PPARA: variants seen among roughly 807,000 people sequenced by gnomAD.
PPARA encodes peroxisome proliferator activated receptor alpha, also known as peroxisome proliferator-activated receptor alpha.
PPARA carries 22 observed loss-of-function variants against 42.2 expected under a neutral mutation model. That is an observed-to-expected ratio of 0.52 (90% CI 0.37 to 0.74). The LOEUF is 0.74. PPARA is among the 30% of genes least tolerant of loss of function. The pLI, the probability that PPARA is intolerant of heterozygous loss-of-function variation, is 0.00. For missense variants in PPARA, 465 were observed against 608.2 expected (o/e 0.76, Z 2.48); for synonymous variants, 242 against 239.3 (o/e 1.01, Z -0.10).
In PPARA at chr22:46,184,201, AT is replaced by A. The variant is rs1318229327; in HGVS notation, c.-43+7366del. ...ATGATTTGATGATGACTTCATTTTTATAAAACAATAATATTGCAGTGCAAAT... is the reference window on the plus strand; with the variant it reads ...ATGATTTGATGATGACTTCATTTTTAAAAACAATAATATTGCAGTGCAAAT... On this transcript the variant is annotated intron_variant, in intron 3 of 8. Transcript: ENST00000407236. The surrounding 1 kb of genome is among the most constrained non-coding windows in gnomAD (Gnocchi z 4.4). Among the ~76,000 whole-genome samples the A allele has an allele frequency of 6.6e-6, 1 of 152,222 alleles. No homozygotes were observed.
intron 2 of PPARA, chr22:46,176,177 A>G (rs1929024563): frequency 6.6e-6 from 1 of 151,960 alleles, no homozygotes; most frequent in African/African-American, 2.4e-5. Context: ...GGACGGACAG[A>G]TAGATAGGTA....
intron 3 of PPARA, among the ~76,000 whole-genome samples, chr22:46,194,387 A>G (rs1270979070): frequency 2.6e-5 from 4 of 152,154 alleles, no homozygotes. Flanking sequence ...GAATATAACG[A>G]CAAGCAAACT....
chr22:46,242,069 C>T lies in PPARA; in HGVS notation c.*6689C>T, dbSNP rs1003208932. On this transcript the variant is annotated 3_prime_UTR_variant, in exon 9 of 9. Transcript: ENST00000407236. The surrounding 1 kb of genome is among the most constrained non-coding windows in gnomAD (Gnocchi z 6.1). ...GAGGAGGAGGGAGTCTACCTGCCAC[C>T]TCTTCTCTTGCCCCTCTTCTGCCCA... 2.0e-5 allele frequency: 3 copies of T among 152,044 alleles called. No homozygotes were observed. The highest frequency in any genetic ancestry group is 7.3e-5 in the African/African-American group (3 of 41,360). The allele number at this position is 152,044 out of a possible 1,614,324, so 9.4% of individuals were successfully genotyped here.
At chr22:46,202,444 AAATTAAAAG>A (rs1932883406) in intron 4 of PPARA, among the ~76,000 whole-genome samples, 1 of 152,032 alleles carries the variant, frequency 6.6e-6, no homozygotes, top group Non-Finnish European at 1.5e-5. Context: ...CCATCTAAAT[AAATTAAAAG>A]CAGGCCGGGC....
At chr22:46,185,916 AATATATATATAT>A (rs59733161) in intron 3 of PPARA, among the ~76,000 whole-genome samples, 41 of 25,300 alleles carry the variant, frequency 1.6e-3, no homozygotes, top group African/African-American at 7.7e-3. Flanking sequence ...AAAAAAAAAA[AATATATATATAT>A]ATATATATAT....
Position 46,163,636 on chromosome 22 carries a change from A to C in PPARA, c.-127+11666A>C, listed in dbSNP as rs1926561342. ...GAAGCCCCTTTCCCAGGACGACGTGACATGAGTGGTCTGTGCCTTCCAGGG... is the reference window on the plus strand; with the variant it reads ...GAAGCCCCTTTCCCAGGACGACGTGCCATGAGTGGTCTGTGCCTTCCAGGG... On this transcript the variant is annotated intron_variant, in intron 2 of 8. Transcript: ENST00000407236. The surrounding 1 kb of genome is among the most constrained non-coding windows in gnomAD (Gnocchi z 4.9). 6.6e-6 allele frequency: 1 copy of C among 152,224 alleles called. No individual in the cohort carries two copies. Among genetic ancestry groups the C allele is most frequent in the South Asian group, 2.1e-4 (1 of 4,834 alleles). 9.4% of individuals were successfully genotyped at this position (152,224 alleles called of 1,614,324 possible).
intron 2 of PPARA, among the ~76,000 whole-genome samples, chr22:46,170,112 G>GT (rs201147764): frequency 0.11 from 15,014 of 142,688 alleles, 1,050 homozygotes; most frequent in South Asian, 0.14. Context: ...ATTCATCTTT[G>GT]TTTTTTTTTT....
rs1478811575 is a variant in PPARA, at chr22:46,192,022, G to C, written c.-42-6320G>C. 6.6e-6 allele frequency among the ~76,000 whole-genome samples: 1 copy of C among 152,160 alleles called. No individual in the cohort carries two copies. The highest frequency in any genetic ancestry group is 1.9e-4 in the East Asian group (1 of 5,192). On this transcript the variant is annotated intron_variant, in intron 3 of 8. Coordinates refer to ENST00000407236, the MANE Select transcript of PPARA (RefSeq NM_005036.6). This position sits in a 1 kb window ranked among gnomAD's most constrained non-coding sequence, Gnocchi z 4.3. ...GGAAGTTGCGGTGAGCCGAGATCAC[G>C]CCACTGTACTCCAGCCTGGTGACAG...
chr22:46,213,431 C>T (rs534785187), intron 4 of PPARA, among the ~76,000 whole-genome samples: 9 of 140,924 alleles, frequency 6.4e-5, no homozygotes, highest in East Asian at 2.1e-4. Flanking sequence ...CCTTTTGATA[C>T]GGAGTCTTGC....
intron 3 of PPARA, among the ~76,000 whole-genome samples, chr22:46,194,904 T>C (rs2078830403): frequency 1.4e-5 from 2 of 146,114 alleles, no homozygotes; most frequent in South Asian, 2.2e-4. Flanking sequence ...TTTTTTTTTT[T>C]TTTTTTTCTT....
rs570270420 is a variant in PPARA, at chr22:46,160,082, A to G, written c.-127+8112A>G. ...TTGAACCGCCAGCGAAGGGCTGGGA[A>G]GTGCGGATCCAGGGCTGGTGCACTG... is the stretch of plus-strand genomic sequence containing the variant. On this transcript the variant is annotated intron_variant, in intron 2 of 8. Coordinates refer to ENST00000407236, the MANE Select transcript of PPARA (RefSeq NM_005036.6). The surrounding 1 kb of genome is among the most constrained non-coding windows in gnomAD (Gnocchi z 4.5). 2.6e-5 allele frequency among the ~76,000 whole-genome samples: 4 copies of G among 152,324 alleles called. No individual in the cohort carries two copies. In the East Asian group the frequency reaches 5.8e-4, roughly 22 times the overall value.
rs1036185923 is a variant in PPARA, at chr22:46,241,300, T to G, written c.*5920T>G. The G allele has an allele frequency of 1.3e-5, 2 of 152,170 alleles. No individual in the cohort carries two copies. Among genetic ancestry groups the G allele is most frequent in the African/African-American group, 4.8e-5 (2 of 41,448 alleles). 9.4% of individuals were successfully genotyped at this position (152,170 alleles called of 1,614,324 possible). A position where few individuals can be genotyped will look rare whatever the true frequency, so the allele number is the denominator to read the frequency against. ...TAGACTAGGGTAAGAATAAAGGCAA[T>G]AAATTTGGTCTGACTCAGAATATAG... On this transcript the variant is annotated 3_prime_UTR_variant, in exon 9 of 9. Coordinates refer to ENST00000407236, the MANE Select transcript of PPARA (RefSeq NM_005036.6). The surrounding 1 kb of genome is among the most constrained non-coding windows in gnomAD (Gnocchi z 5.7).
rs1931422964 is a variant in PPARA, at chr22:46,190,700, T to G, written c.-42-7642T>G. Among the ~76,000 whole-genome samples the G allele has an allele frequency of 6.6e-6, 1 of 152,128 alleles. No individual in the cohort carries two copies. Among genetic ancestry groups the G allele is most frequent in the East Asian group, 1.9e-4 (1 of 5,192 alleles). On this transcript the variant is annotated intron_variant, in intron 3 of 8. Transcript: ENST00000407236. The surrounding 1 kb of genome is among the most constrained non-coding windows in gnomAD (Gnocchi z 5.6). Reference sequence around the variant, plus strand: ...GGGAGATCAAGGCTGCGGTGAGCCATGATCTTGCCATTGCACTCCAGCCTG... The same window carrying G: ...GGGAGATCAAGGCTGCGGTGAGCCAGGATCTTGCCATTGCACTCCAGCCTG...
chr22:46,217,902 C>G (rs906331444), intron 5 of PPARA, among the ~76,000 whole-genome samples: 2 of 138,984 alleles, frequency 1.4e-5, no homozygotes, highest in Non-Finnish European at 3.0e-5. Context: ...ACAATCTCAG[C>G]TCACTGCAAC....
At position 46,240,148 on chromosome 22, in the gene PPARA, G is replaced by T; in HGVS notation, c.*4768G>T. ...CAACAGTGTGGCCTTTCAAAATGCA[G>T]ATGCCACCAGGAGAACATGCCCACA... is the stretch of plus-strand genomic sequence containing the variant. On this transcript the variant is annotated 3_prime_UTR_variant, in exon 9 of 9. Coordinates refer to ENST00000407236, the MANE Select transcript of PPARA (RefSeq NM_005036.6). This position sits in a 1 kb window ranked among gnomAD's most constrained non-coding sequence, Gnocchi z 6.0. The T allele has an allele frequency of 2.5e-6, 1 of 398,738 alleles. No individual in the cohort carries two copies. Among genetic ancestry groups the T allele is most frequent in the Admixed American group, 4.4e-5 (1 of 22,736 alleles). 24.7% of individuals were successfully genotyped at this position (398,738 alleles called of 1,614,324 possible). A position where few individuals can be genotyped will look rare whatever the true frequency, so the allele number is the denominator to read the frequency against.
chr22:46,226,002 TACAA>T (rs528120179), intron 7 of PPARA, among the ~76,000 whole-genome samples: 16 of 141,754 alleles, frequency 1.1e-4, no homozygotes, highest in Non-Finnish European at 2.3e-4. Flanking sequence ...TACACACACA[TACAA>T]ACACATGCAT....
Position 46,210,329 on chromosome 22 carries a change from A to C in PPARA, c.209-4844A>C, listed in dbSNP as rs1019850074. 3.0e-3 allele frequency among the ~76,000 whole-genome samples: 433 copies of C among 144,204 alleles called. 4 individuals are homozygous for C. Among genetic ancestry groups the C allele is most frequent in the African/African-American group, 0.011 (416 of 37,582 alleles). 94.6% of individuals were successfully genotyped at this position (144,204 alleles called of 152,430 possible). A position where few individuals can be genotyped will look rare whatever the true frequency, so the allele number is the denominator to read the frequency against. ...CATCTCAAAAAAAAAAAAAAAAAAA[A>C]CTCTTAGCCACAATTTCTATCATCT... On this transcript the variant is annotated intron_variant, in intron 4 of 8. Transcript: ENST00000407236.
intron 7 of PPARA, 172 bp downstream of exon 7, chr22:46,220,186 A>G: frequency 1.3e-6 from 1 of 799,888 alleles, no homozygotes; most frequent in Non-Finnish European, 2.1e-6. Flanking sequence ...GTAGCTTAAC[A>G]ACAACTCCTT....
rs145000609 is a variant in PPARA at position 46,196,084 on chromosome 22, C to T, written c.-42-2258C>T. On this transcript the variant is annotated intron_variant, in intron 3 of 8. Transcript: ENST00000407236. The surrounding 1 kb of genome is among the most constrained non-coding windows in gnomAD (Gnocchi z 5.6). ...AGAAGAACAGTGACAAGTGCACAGT[C>T]GGGTAGGGACAAATGTGGAAGGGCT... Among the ~76,000 whole-genome samples the T allele has an allele frequency of 8.5e-4, 129 of 152,196 alleles. No homozygotes were observed. The highest frequency in any genetic ancestry group is 3.0e-3 in the African/African-American group (123 of 41,520).
Sources: gnomAD v4.1 joint callset for allele counts (sites outside exome capture counted in the v4.1 genomes callset) on GRCh38, gnomAD v4.1.1 for gene constraint, Gnocchi (gnomAD v3.1) non-coding constraint, MANE v1.5 for transcripts, NCBI Gene and HGNC (gene_info 2026-07-23, HGNC 2026-07-21) for gene names.